ASXL2: variants seen among roughly 807,000 people sequenced by gnomAD.
ASXL2 encodes putative Polycomb group protein ASXL2.
In ASXL2, 23 loss-of-function variants were observed where a neutral mutation model predicts 122.0. The ratio of observed to expected loss-of-function variants is 0.19; its 90% CI spans 0.14 to 0.27. The LOEUF (loss-of-function observed/expected upper bound fraction) is 0.27. Ranked by LOEUF, ASXL2 falls within the 10% of genes least tolerant of loss-of-function variation. The probability of loss-of-function intolerance (pLI) is 1.00; values close to 1 mark genes in which losing one functional copy is unlikely to be tolerated. For missense variants in ASXL2, 1,518 were observed against 1,713.8 expected (o/e 0.89, Z 2.02); for synonymous variants, 650 against 637.0 (o/e 1.02, Z -0.31).
intron 5 of ASXL2, among the ~76,000 whole-genome samples, chr2:25,773,436 C>G (rs185959652): frequency 6.6e-6 from 1 of 151,996 alleles, no homozygotes; most frequent in African/African-American, 2.4e-5. Flanking sequence ...GAGGCCAAGG[C>G]GGGCGGATCA....
intron 5 of ASXL2, among the ~76,000 whole-genome samples, chr2:25,777,306 G>A (rs2088561741): frequency 6.6e-6 from 1 of 151,772 alleles, no homozygotes; most frequent in Non-Finnish European, 1.5e-5. Context: ...GTCCAGGCTT[G>A]TTCTAACTTT....
intron 2 of ASXL2, among the ~76,000 whole-genome samples, chr2:25,843,844 A>G (rs2089617640): frequency 6.6e-6 from 1 of 151,774 alleles, no homozygotes; most frequent in African/African-American, 2.4e-5. Flanking sequence ...AAAGAAAGAA[A>G]GAAAGAAAAA....
intron 1 of ASXL2, among the ~76,000 whole-genome samples, chr2:25,856,292 G>A (rs1311791977): frequency 1.3e-5 from 2 of 149,402 alleles, no homozygotes; most frequent in Non-Finnish European, 3.0e-5. Flanking sequence ...CCTAACCTCA[G>A]GTGATCCGCC....
intron 9 of ASXL2, among the ~76,000 whole-genome samples, chr2:25,758,622 C>A (rs1466888605): frequency 6.6e-6 from 1 of 151,590 alleles, no homozygotes; most frequent in Non-Finnish European, 1.5e-5. Context: ...ATCACTAAAG[C>A]TCTCTGGTCC....
chr2:25,826,591 G>A (rs1039301463), intron 3 of ASXL2, among the ~76,000 whole-genome samples: 9 of 151,892 alleles, frequency 5.9e-5, no homozygotes, highest in African/African-American at 1.9e-4. Context: ...CCAATCTCTT[G>A]TCCATTTTTT....
chr2:25,762,665 G>GGA (rs1264505469), intron 8 of ASXL2, among the ~76,000 whole-genome samples: 5 of 34,270 alleles, frequency 1.5e-4, no homozygotes, highest in African/African-American at 1.5e-4. Flanking sequence ...ACTCTTTCTC[G>GGA]AAAAAAAAAA....
intron 5 of ASXL2, among the ~76,000 whole-genome samples, chr2:25,794,638 T>C (rs2088886111): frequency 6.6e-6 from 1 of 152,216 alleles, no homozygotes; most frequent in African/African-American, 2.4e-5. Context: ...CCTATTTGGC[T>C]GAAAGGTATA....
intron 3 of ASXL2, among the ~76,000 whole-genome samples, chr2:25,832,498 A>G (rs1574439041): frequency 6.6e-6 from 1 of 152,158 alleles, no homozygotes; most frequent in South Asian, 2.1e-4. Context: ...AGGCAAACTC[A>G]CCTATCAACA....
chr2:25,745,935 C>T (rs1204792259), intron 12 of ASXL2, among the ~76,000 whole-genome samples: 8 of 152,072 alleles, frequency 5.3e-5, no homozygotes, highest in African/African-American at 9.7e-5. Flanking sequence ...CGTGAGCCAC[C>T]ACGCCTGGCT....
intron 6 of ASXL2, among the ~76,000 whole-genome samples, chr2:25,769,630 C>T (rs981247871): frequency 6.8e-6 from 1 of 148,042 alleles, no homozygotes; most frequent in African/African-American, 2.5e-5. Flanking sequence ...ATCACAAAAA[C>T]ATTATGAAGG....
At chr2:25,832,031 C>T (rs1279824923) in intron 3 of ASXL2, among the ~76,000 whole-genome samples, 1 of 151,980 alleles carries the variant, frequency 6.6e-6, no homozygotes, top group Non-Finnish European at 1.5e-5. Context: ...AAGTAGTTTA[C>T]TAAGAGAAGT....
At chr2:25,796,151 A>G (rs2088908348) in intron 5 of ASXL2, among the ~76,000 whole-genome samples, 1 of 152,236 alleles carries the variant, frequency 6.6e-6, no homozygotes, top group Non-Finnish European at 1.5e-5. Flanking sequence ...CTCCAGGAGT[A>G]GCAAAAACAT....
intron 12 of ASXL2, among the ~76,000 whole-genome samples, chr2:25,748,001 AAAT>A (rs1019997048): frequency 2.0e-5 from 3 of 148,288 alleles, no homozygotes; most frequent in African/African-American, 7.5e-5. Context: ...ACCCCTTTAC[AAAT>A]AATTATTTGT....
chr2:25,755,991 G>A (rs1559501936), intron 10 of ASXL2, 27 bp downstream of exon 10: 1 of 1,575,512 alleles, frequency 6.3e-7, no homozygotes, highest in South Asian at 1.1e-5. Flanking sequence ...CACACCACCT[G>A]GGAGACACAT....
intron 3 of ASXL2, among the ~76,000 whole-genome samples, chr2:25,827,433 TG>T (rs2089390799): frequency 6.6e-6 from 1 of 152,178 alleles, no homozygotes; most frequent in African/African-American, 2.4e-5. Context: ...TAAATAGTCT[TG>T]GTTGATTTTA....
At chr2:25,754,099 A>G (rs1344371021) in intron 10 of ASXL2, among the ~76,000 whole-genome samples, 1 of 152,222 alleles carries the variant, frequency 6.6e-6, no homozygotes, top group Non-Finnish European at 1.5e-5. Flanking sequence ...AAGAAAAGCT[A>G]TGGCCCTAGC....
In ASXL2 at chr2:25,742,276, A is replaced by G. The variant is rs778738425; in HGVS notation, c.4061T>C (p.Val1354Ala). ...AVPGSQVSSN[V>A]GDVMSFSVTV... Reference sequence around the variant, plus strand: ...CACTGAAAATGACATGACATCACCTACATTGCTAGATACCTGGCTACCTGG... The same window carrying G: ...CACTGAAAATGACATGACATCACCTGCATTGCTAGATACCTGGCTACCTGG... Residue 1354 changes from valine (V) to alanine (A), a missense_variant, in exon 13 of 13, where the codon GTA (valine) becomes GCA (alanine). Physicochemically the swap from Val to Ala is moderately conservative, Grantham distance 64. Around this residue, in one of 8 missense-constraint regions of ASXL2, gnomAD observed 831 missense variants for 833.1 expected, o/e 1.00. Coordinates refer to ENST00000435504, the MANE Select transcript of ASXL2 (RefSeq NM_018263.6). The G allele has an allele frequency of 6.8e-6, 11 of 1,614,000 alleles. No individual in the cohort carries two copies. Among genetic ancestry groups the G allele is most frequent in the Non-Finnish European group, 9.3e-6 (11 of 1,179,888 alleles).
chr2:25,761,889 G>C (rs1447358265), intron 8 of ASXL2, among the ~76,000 whole-genome samples: 1 of 152,010 alleles, frequency 6.6e-6, no homozygotes, highest in Non-Finnish European at 1.5e-5. Context: ...TATAAATACA[G>C]TTCTTATTGT....
intron 8 of ASXL2, among the ~76,000 whole-genome samples, chr2:25,764,596 G>A (rs1392261447): frequency 6.6e-6 from 1 of 152,164 alleles, no homozygotes; most frequent in African/African-American, 2.4e-5. Flanking sequence ...GAATACCACT[G>A]ATGATAAAGG....
Sources: gnomAD v4.1 joint callset for allele counts (sites outside exome capture counted in the v4.1 genomes callset) on GRCh38, gnomAD v4.1.1 for gene constraint, gnomAD v4.1.1 regional missense constraint, MANE v1.5 for transcripts, NCBI Gene and HGNC (gene_info 2026-07-23, HGNC 2026-07-21) for gene names.